The following FIGNL2 variants were observed in gnomAD, a reference collection of about 807,000 sequenced individuals.
FIGNL2 encodes fidgetin-like protein 2.
For synonymous variants in FIGNL2, 565 were observed against 484.0 expected (o/e 1.17, Z -2.20); for missense variants, 1,060 against 950.2 (o/e 1.12, Z -1.52).
chr12:51,831,189 T>C (rs10876211), intron 1 of FIGNL2, among the ~76,000 whole-genome samples: 39,137 of 151,822 alleles, frequency 0.26, 6,201 homozygotes, highest in Admixed American at 0.41. Flanking sequence ...ATTAAAAAAA[T>C]AAGGTCATAT....
At chr12:51,823,251 G>T (rs1030262242) in intron 1 of FIGNL2, among the ~76,000 whole-genome samples, 4 of 152,210 alleles carry the variant, frequency 2.6e-5, no homozygotes, top group African/African-American at 9.7e-5. Context: ...TAGGTCATAT[G>T]CTGGAGAAGA....
In FIGNL2 at chr12:51,819,799, G is replaced by A. The variant is rs1195228537; in HGVS notation, c.*653C>T. The A allele has an allele frequency of 6.5e-6, 1 of 152,930 alleles. No homozygotes were observed. The highest frequency in any genetic ancestry group is 6.5e-5 in the Admixed American group (1 of 15,318). 9.5% of individuals were successfully genotyped at this position (152,930 alleles called of 1,614,324 possible). On this transcript the variant is annotated 3_prime_UTR_variant, in exon 2 of 2. Coordinates refer to ENST00000618634, the MANE Select transcript of FIGNL2 (RefSeq NM_001384995.1). The stretch of plus-strand genomic sequence containing the variant: ...CTAGACCCTAGGTTTCAGATGGGTA[G>A]AGGGGTAACCCTCCTCCTCAGCCCC...
Position 51,821,629 on chromosome 12 carries a change from C to T in FIGNL2, c.785G>A (p.Gly262Glu). 6.7e-7 allele frequency: 1 copy of T among 1,487,090 alleles called. No homozygotes were observed. Among genetic ancestry groups the T allele is most frequent in the East Asian group, 2.8e-5 (1 of 35,146 alleles). The allele number at this position is 1,487,090 out of a possible 1,614,324, so 92.1% of individuals were successfully genotyped here. The change falls in exon 2 of 2, where the codon GGG (glycine) becomes GAG (glutamate). Residue 262 changes from glycine to glutamate, a missense_variant. Coordinates refer to ENST00000618634, the MANE Select transcript of FIGNL2 (RefSeq NM_001384995.1). ...FPTAAPGAES[G>E]LSLKRKAADE... is the part of the protein sequence containing the mutation. ...GGCGGCCTTGCGCTTCAGCGACAGC[C>T]CGGATTCGGCACCCGGCGCGGCCGT...
In FIGNL2 at chr12:51,824,116, T is replaced by G. The variant is rs1021920857; in HGVS notation, c.-11-1692A>C. Reference sequence around the variant, plus strand: ...CCGTATTCCCTTCCTCAAGGGACTTTACTGCCACCTTCTGGAAAGCTCATA... The same window carrying G: ...CCGTATTCCCTTCCTCAAGGGACTTGACTGCCACCTTCTGGAAAGCTCATA... On this transcript the variant is annotated intron_variant, in intron 1 of 1. Transcript: ENST00000618634. 3 of 152,268 alleles carry G rather than the reference T, an allele frequency of 2.0e-5. 1 individual carries two copies. The highest frequency in any genetic ancestry group is 7.2e-5 in the African/African-American group (3 of 41,474). The allele number at this position is 152,268 out of a possible 1,614,324, so 9.4% of individuals were successfully genotyped here. A position where few individuals can be genotyped will look rare whatever the true frequency, so the allele number is the denominator to read the frequency against.
intron 1 of FIGNL2, chr12:51,847,065 G>A (rs1939767291): frequency 2.0e-6 from 2 of 985,126 alleles, no homozygotes; most frequent in South Asian, 4.7e-5. Flanking sequence ...CGGTACCCGC[G>A]TCCCACAGCT....
intron 1 of FIGNL2, among the ~76,000 whole-genome samples, chr12:51,828,020 C>T (rs1160087555): frequency 2.6e-5 from 4 of 152,150 alleles, no homozygotes; most frequent in Admixed American, 6.5e-5. Flanking sequence ...TGGCCCAGCC[C>T]TTTGTTCTTA....
At chr12:51,827,390 G>GTT (rs35274727) in intron 1 of FIGNL2, among the ~76,000 whole-genome samples, 12 of 142,358 alleles carry the variant, frequency 8.4e-5, no homozygotes, top group Non-Finnish European at 7.7e-5. Flanking sequence ...ATTTCTATTT[G>GTT]TTTTTTTTTT....
chr12:51,830,961 G>A (rs760323446), intron 1 of FIGNL2, among the ~76,000 whole-genome samples: 41 of 152,010 alleles, frequency 2.7e-4, no homozygotes, highest in Non-Finnish European at 5.1e-4. Context: ...GCTAATGTTT[G>A]TGTTTGTTTG....
chr12:51,828,942 C>A (rs1456099662), intron 1 of FIGNL2, among the ~76,000 whole-genome samples: 1 of 152,238 alleles, frequency 6.6e-6, no homozygotes, highest in African/African-American at 2.4e-5. Flanking sequence ...AGCATCAACA[C>A]CCTCCTCCAA....
Position 51,820,391 on chromosome 12 carries a change from T to A in FIGNL2, c.*61A>T. The A allele has an allele frequency of 6.5e-7, 1 of 1,538,112 alleles. No homozygotes were observed. The highest frequency in any genetic ancestry group is 8.7e-7 in the Non-Finnish European group (1 of 1,148,670). On this transcript the variant is annotated 3_prime_UTR_variant, in exon 2 of 2. Coordinates refer to ENST00000618634, the MANE Select transcript of FIGNL2 (RefSeq NM_001384995.1). ...AGCCGGGTTTAGTCAGTGACATCCCTCCCACGCGGAGGCGGCGGGGACGGA... is the reference window on the plus strand; with the variant it reads ...AGCCGGGTTTAGTCAGTGACATCCCACCCACGCGGAGGCGGCGGGGACGGA...
At chr12:51,831,131 T>G (rs1256668981) in intron 1 of FIGNL2, among the ~76,000 whole-genome samples, 1 of 152,170 alleles carries the variant, frequency 6.6e-6, no homozygotes, top group Non-Finnish European at 1.5e-5. Flanking sequence ...AGACAACTGT[T>G]GATTTTTTGT....
intron 1 of FIGNL2, among the ~76,000 whole-genome samples, chr12:51,840,557 G>A (rs1322043207): frequency 1.3e-5 from 2 of 152,076 alleles, no homozygotes; most frequent in South Asian, 2.1e-4. Flanking sequence ...CCAACATGGC[G>A]AAACCCTGTC....
In FIGNL2 at chr12:51,820,609, C is replaced by T; in HGVS notation, c.1805G>A (p.Cys602Tyr). ...GFSGGELGQL[C>Y]QQAAAGAGLP... Reference sequence around the variant, plus strand: ...GCCCGCCCCGGCCGCCGCCTGCTGGCACAGCTGCCCCAGCTCGCCCCCAGA... The same window carrying T: ...GCCCGCCCCGGCCGCCGCCTGCTGGTACAGCTGCCCCAGCTCGCCCCCAGA... The change falls in exon 2 of 2, where the codon TGC (cysteine) becomes TAC (tyrosine). Residue 602 changes from cysteine to tyrosine, a missense_variant. By Grantham distance (194) the Cys-to-Tyr change is radical. Coordinates refer to ENST00000618634, the MANE Select transcript of FIGNL2 (RefSeq NM_001384995.1). 6.6e-7 allele frequency: 1 copy of T among 1,525,382 alleles called. No individual in the cohort carries two copies. Among genetic ancestry groups the T allele is most frequent in the South Asian group, 1.2e-5 (1 of 83,600 alleles). 94.5% of individuals were successfully genotyped at this position (1,525,382 alleles called of 1,614,324 possible).
Position 51,820,312 on chromosome 12 carries a change from C to A in FIGNL2, c.*140G>T. ...TCCTTCCCACGAAAAAAAAAATATC[C>A]ACCGGCAGACCCCTCCTGTCCCCGA... On this transcript the variant is annotated 3_prime_UTR_variant, in exon 2 of 2. Coordinates refer to ENST00000618634, the MANE Select transcript of FIGNL2 (RefSeq NM_001384995.1). The A allele has an allele frequency of 8.8e-7, 1 of 1,133,430 alleles. No individual in the cohort carries two copies. The highest frequency in any genetic ancestry group is 2.9e-5 in the East Asian group (1 of 34,568). The allele number at this position is 1,133,430 out of a possible 1,614,324, so 70.2% of individuals were successfully genotyped here. A position where few individuals can be genotyped will look rare whatever the true frequency, so the allele number is the denominator to read the frequency against.
chr12:51,840,563 C>T (rs1459808783), intron 1 of FIGNL2, among the ~76,000 whole-genome samples: 1 of 152,130 alleles, frequency 6.6e-6, no homozygotes. Flanking sequence ...TGGCGAAACC[C>T]TGTCTCTACT....
chr12:51,847,108 C>G (rs1939768195), intron 1 of FIGNL2: 1 of 985,274 alleles, frequency 1.0e-6, no homozygotes, highest in Admixed American at 6.1e-5. Context: ...CCGGGCAGCC[C>G]GGCGCGCCCG....
chr12:51,846,174 G>A (rs1369244820), intron 1 of FIGNL2, among the ~76,000 whole-genome samples: 2 of 152,238 alleles, frequency 1.3e-5, no homozygotes, highest in African/African-American at 2.4e-5. Context: ...CTGGGGGCAG[G>A]GCCAGGGAGT....
rs950017677 is a variant in FIGNL2, at chr12:51,821,551, G to A, written c.863C>T (p.Ala288Val). The A allele has an allele frequency of 2.6e-6, 4 of 1,551,444 alleles. No individual in the cohort carries two copies. Among genetic ancestry groups the A allele is most frequent in the South Asian group, 1.2e-5 (1 of 84,900 alleles). ...YRKYAYEPAK[A>V]PVADGASYPA... ...GTAGGAGGCTCCGTCAGCCACGGGG[G>A]CCTTGGCGGGCTCGTACGCGTACTT... Residue 288 changes from alanine (A) to valine (V), a missense_variant, in exon 2 of 2, where the codon GCC becomes GTC. Transcript: ENST00000618634.
chr12:51,830,131 A>C (rs1211502105), intron 1 of FIGNL2, among the ~76,000 whole-genome samples: 1 of 152,082 alleles, frequency 6.6e-6, no homozygotes, highest in East Asian at 1.9e-4. Context: ...TCTACTAAAA[A>C]TACAAAAATT....
Sources: allele counts gnomAD v4.1 joint callset (sites outside exome capture counted in the v4.1 genomes callset), GRCh38; gene constraint gnomAD v4.1.1; transcripts MANE v1.5; gene names NCBI Gene and HGNC (gene_info 2026-07-23, HGNC 2026-07-21).